Variants in AUTS2 observed in about 807,000 individuals in gnomAD.
The protein encoded by AUTS2 is autism susceptibility gene 2 protein.
A neutral mutation model predicts 112.4 loss-of-function variants in AUTS2; 17 were observed. The ratio of observed to expected loss-of-function variants is 0.15; its 90% CI spans 0.10 to 0.23. AUTS2 has a LOEUF of 0.23. AUTS2 is among the 10% of genes least tolerant of loss of function. The probability of loss-of-function intolerance (pLI) is 1.00; values close to 1 mark genes in which losing one functional copy is unlikely to be tolerated. For synonymous variants in AUTS2, 751 were observed against 702.7 expected (o/e 1.07, Z -1.09); for missense variants, 1,510 against 1,701.6 (o/e 0.89, Z 1.98).
At chr7:70,030,466 A>T (rs1800725067) in intron 2 of AUTS2, among the ~76,000 whole-genome samples, 2 of 152,322 alleles carry the variant, frequency 1.3e-5, no homozygotes, top group South Asian at 4.1e-4. Context: ...GCTGTGAAGC[A>T]TAAAGTTTCC....
intron 5 of AUTS2, among the ~76,000 whole-genome samples, chr7:70,581,032 G>A (rs1262511158): frequency 6.6e-6 from 1 of 152,044 alleles, no homozygotes; most frequent in East Asian, 1.9e-4. Flanking sequence ...ATCACTTGAG[G>A]CCAGGAGTTT....
Position 70,156,891 on chromosome 7 carries a change from T to TAAAAAAAAAAAAAAAAA in AUTS2, c.660+22340_660+22356dup, listed in dbSNP as rs781281055. 6.3e-4 allele frequency among the ~76,000 whole-genome samples: 24 copies of TAAAAAAAAAAAAAAAAA among 37,874 alleles called. 4 individuals are homozygous for TAAAAAAAAAAAAAAAAA. Among genetic ancestry groups the TAAAAAAAAAAAAAAAAA allele is most frequent in the South Asian group, 4.9e-3 (3 of 610 alleles). 24.8% of individuals were successfully genotyped at this position (37,874 alleles called of 152,430 possible). A position where few individuals can be genotyped will look rare whatever the true frequency, so the allele number is the denominator to read the frequency against. On this transcript the variant is annotated intron_variant, in intron 4 of 18. Transcript: ENST00000342771. ...AGTGAAACCCCATCTCTACTAAAAG[T>TAAAAAAAAAAAAAAAAA]AAAAAAAAAAAAAAAAAAAAAAAAA... is the stretch of plus-strand genomic sequence containing the variant.
chr7:69,641,259 C>G (rs976184464), intron 1 of AUTS2, among the ~76,000 whole-genome samples: 6 of 152,210 alleles, frequency 3.9e-5, no homozygotes, highest in Admixed American at 2.0e-4. Flanking sequence ...GGTTGCTGTT[C>G]ATACAATAAG....
intron 4 of AUTS2, among the ~76,000 whole-genome samples, chr7:70,136,837 G>C (rs1324721226): frequency 2.0e-5 from 3 of 152,154 alleles, no homozygotes; most frequent in Non-Finnish European, 4.4e-5. Flanking sequence ...CTTGAACACT[G>C]TCCCAAGCCC....
chr7:70,105,620 G>A (rs1002774659), intron 2 of AUTS2, among the ~76,000 whole-genome samples: 1 of 152,162 alleles, frequency 6.6e-6, no homozygotes, highest in African/African-American at 2.4e-5. Context: ...GAGCCAGTGA[G>A]ATACTTTGGA....
At chr7:70,671,583 A>T (rs1563116674) in intron 5 of AUTS2, among the ~76,000 whole-genome samples, 2 of 152,214 alleles carry the variant, frequency 1.3e-5, no homozygotes, top group South Asian at 4.1e-4. Context: ...AAAAGACAAC[A>T]CATTTCAAGG....
intron 5 of AUTS2, among the ~76,000 whole-genome samples, chr7:70,482,639 T>A (rs188335261): frequency 2.0e-5 from 3 of 152,254 alleles, no homozygotes; most frequent in East Asian, 1.9e-4. Context: ...TCTGCAGGTG[T>A]CATGAAGATG....
chr7:69,876,219 T>C (rs1475637675), intron 1 of AUTS2, among the ~76,000 whole-genome samples: 1 of 145,164 alleles, frequency 6.9e-6, no homozygotes, highest in African/African-American at 2.6e-5. Flanking sequence ...ACAAAAAAAT[T>C]AGCTGGGTGT....
intron 5 of AUTS2, among the ~76,000 whole-genome samples, chr7:70,548,030 GTTTT>G: frequency 6.6e-6 from 1 of 152,286 alleles, no homozygotes; most frequent in Non-Finnish European, 1.5e-5. Context: ...CTCTAAGGAT[GTTTT>G]GAAATGGGGA....
At chr7:70,760,008 ATTT>A (rs879791608) in intron 6 of AUTS2, among the ~76,000 whole-genome samples, 2 of 144,334 alleles carry the variant, frequency 1.4e-5, no homozygotes, top group East Asian at 4.0e-4. Flanking sequence ...ATACAAAAAG[ATTT>A]TTTTTTTTTT....
intron 4 of AUTS2, among the ~76,000 whole-genome samples, chr7:70,187,773 T>G (rs1809681029): frequency 1.4e-5 from 2 of 143,446 alleles, no homozygotes; most frequent in Admixed American, 7.1e-5. Context: ...TCAACTAGTC[T>G]TCTTTTTTTT....
At chr7:70,748,421 C>G (rs1187011151) in intron 6 of AUTS2, among the ~76,000 whole-genome samples, 1 of 152,084 alleles carries the variant, frequency 6.6e-6, no homozygotes. Context: ...CCCTGTCACC[C>G]CCTTTGTAAA....
intron 4 of AUTS2, among the ~76,000 whole-genome samples, chr7:70,400,799 C>T (rs1794294617): frequency 6.6e-6 from 1 of 152,132 alleles, no homozygotes; most frequent in Admixed American, 6.5e-5. Flanking sequence ...AATACATATA[C>T]CTTGGGCCCC....
intron 2 of AUTS2, among the ~76,000 whole-genome samples, chr7:69,983,879 G>A (rs1798396890): frequency 6.6e-6 from 1 of 152,108 alleles, no homozygotes; most frequent in Admixed American, 6.5e-5. Context: ...TAGGGTTCTA[G>A]TTATAAACCC....
intron 6 of AUTS2, among the ~76,000 whole-genome samples, chr7:70,753,309 C>T (rs1406672954): frequency 6.6e-6 from 1 of 152,126 alleles, no homozygotes; most frequent in Non-Finnish European, 1.5e-5. Context: ...CCTGAAGGCC[C>T]TCAGAGGTTT....
chr7:70,538,952 C>A (rs1426453804), intron 5 of AUTS2, among the ~76,000 whole-genome samples: 1 of 152,046 alleles, frequency 6.6e-6, no homozygotes, highest in African/African-American at 2.4e-5. Flanking sequence ...CTTTGTAAGT[C>A]TTTGACCCCA....
intron 1 of AUTS2, among the ~76,000 whole-genome samples, chr7:69,715,464 T>C (rs1248046841): frequency 2.0e-5 from 3 of 152,168 alleles, no homozygotes; most frequent in African/African-American, 7.2e-5. Flanking sequence ...CTCCAGATCC[T>C]TGGTTCACAG....
At chr7:70,326,633 A>G (rs920610558) in intron 4 of AUTS2, among the ~76,000 whole-genome samples, 1 of 152,134 alleles carries the variant, frequency 6.6e-6, no homozygotes, top group Non-Finnish European at 1.5e-5. Context: ...TGCTTTATGG[A>G]TCGTCTTTCT....
intron 1 of AUTS2, among the ~76,000 whole-genome samples, chr7:69,850,588 AT>A (rs1232838960): frequency 6.6e-6 from 1 of 151,810 alleles, no homozygotes; most frequent in Non-Finnish European, 1.5e-5. Context: ...ATTAATTTGG[AT>A]TTCCCTAATG....
Sources: gnomAD v4.1 joint callset for allele counts (sites outside exome capture counted in the v4.1 genomes callset) on GRCh38, gnomAD v4.1.1 for gene constraint, MANE v1.5 for transcripts, NCBI Gene and HGNC (gene_info 2026-07-23, HGNC 2026-07-21) for gene names.